IGSF21: variants seen among roughly 807,000 people sequenced by gnomAD.
IGSF21 encodes immunoglobin superfamily member 21.
Under a neutral mutation model 46.8 loss-of-function variants are expected in IGSF21, and 28 were observed. The ratio of observed to expected loss-of-function variants is 0.60; its 90% CI spans 0.44 to 0.82. The LOEUF is 0.82. Ranked by LOEUF, IGSF21 falls within the 40% of genes least tolerant of loss-of-function variation. The probability of loss-of-function intolerance (pLI) is 0.00; values close to 1 mark genes in which losing one functional copy is unlikely to be tolerated. For synonymous variants in IGSF21, 284 were observed against 273.6 expected (o/e 1.04, Z -0.38); for missense variants, 624 against 665.5 (o/e 0.94, Z 0.69).
At chr1:18,350,838 C>A (rs994284412) in intron 4 of IGSF21, among the ~76,000 whole-genome samples, 5 of 152,146 alleles carry the variant, frequency 3.3e-5, no homozygotes, top group Non-Finnish European at 5.9e-5. Flanking sequence ...ACAGAGCCCC[C>A]CGGGAAATCT....
intron 2 of IGSF21, among the ~76,000 whole-genome samples, chr1:18,241,244 C>G (rs1020637005): frequency 1.3e-5 from 2 of 152,180 alleles, no homozygotes; most frequent in African/African-American, 4.8e-5. Flanking sequence ...ATCAGTGATG[C>G]CTTTCCATGG....
At chr1:18,286,106 C>T (rs1187567998) in intron 2 of IGSF21, among the ~76,000 whole-genome samples, 1 of 152,186 alleles carries the variant, frequency 6.6e-6, no homozygotes, top group Non-Finnish European at 1.5e-5. Flanking sequence ...CTGTGTGACC[C>T]CAAAAGCCTC....
intron 1 of IGSF21, among the ~76,000 whole-genome samples, chr1:18,128,618 A>T (rs552295562): frequency 6.6e-6 from 1 of 152,144 alleles, no homozygotes; most frequent in South Asian, 2.1e-4. Flanking sequence ...GCAATTCTAG[A>T]CCTGTTCTTA....
intron 1 of IGSF21, among the ~76,000 whole-genome samples, chr1:18,195,743 G>C (rs1322658547): frequency 6.6e-6 from 1 of 152,190 alleles, no homozygotes; most frequent in Non-Finnish European, 1.5e-5. Context: ...GATTCCACAG[G>C]AGTTTTTAAA....
intron 1 of IGSF21, among the ~76,000 whole-genome samples, chr1:18,177,411 G>C: frequency 6.6e-6 from 1 of 151,844 alleles, no homozygotes; most frequent in Admixed American, 6.6e-5. Context: ...GTGTGTGTGT[G>C]TGTGTGTGTG....
In IGSF21 at chr1:18,322,442, G is replaced by A. The variant is rs1004817281; in HGVS notation, c.306-12450G>A. ...GCCAGCTCTCACCCACCACCAAGTA[G>A]AGAGGCAGAGGCAGAGATTCCTGTT... is the stretch of plus-strand genomic sequence containing the variant. On this transcript the variant is annotated intron_variant, in intron 3 of 9. Coordinates refer to ENST00000251296, the MANE Select transcript of IGSF21 (RefSeq NM_032880.5). The surrounding 1 kb of genome is among the most constrained non-coding windows in gnomAD (Gnocchi z 4.3). Among the ~76,000 whole-genome samples, 5 of 151,938 alleles carry A rather than the reference G, an allele frequency of 3.3e-5. No individual in the cohort carries two copies. The highest frequency in any genetic ancestry group is 1.2e-4 in the African/African-American group (5 of 41,378).
At chr1:18,316,975 AG>A (rs2085549290) in intron 3 of IGSF21, among the ~76,000 whole-genome samples, 1 of 152,242 alleles carries the variant, frequency 6.6e-6, no homozygotes, top group South Asian at 2.1e-4. Context: ...GGTAACCTCA[AG>A]GACAGAGTCC....
chr1:18,280,618 A>T (rs2085149701), intron 2 of IGSF21, among the ~76,000 whole-genome samples: 1 of 152,148 alleles, frequency 6.6e-6, no homozygotes, highest in Non-Finnish European at 1.5e-5. Flanking sequence ...CTCATTTTAC[A>T]GGTAAGGAGA....
intron 4 of IGSF21, among the ~76,000 whole-genome samples, chr1:18,345,024 C>A (rs2085878994): frequency 6.6e-6 from 1 of 152,168 alleles, no homozygotes; most frequent in Admixed American, 6.5e-5. Flanking sequence ...GGTATGAACA[C>A]GAGCTTCCAC....
intron 1 of IGSF21, among the ~76,000 whole-genome samples, chr1:18,159,131 C>T (rs2086593843): frequency 6.6e-6 from 1 of 152,214 alleles, no homozygotes; most frequent in Non-Finnish European, 1.5e-5. Flanking sequence ...CTATGAGTTC[C>T]TCCAGCTGTT....
intron 1 of IGSF21, among the ~76,000 whole-genome samples, chr1:18,208,374 A>AT (rs532351655): frequency 0.054 from 818 of 15,270 alleles, 36 homozygotes; most frequent in African/African-American, 0.084. Flanking sequence ...CAGTTTAGGA[A>AT]TAATATATAT....
chr1:18,283,242 G>A (rs1034617032), intron 2 of IGSF21, among the ~76,000 whole-genome samples: 7 of 152,180 alleles, frequency 4.6e-5, no homozygotes, highest in Non-Finnish European at 1.0e-4. Flanking sequence ...TGTCAAAACC[G>A]GATCTCCCAC....
intron 3 of IGSF21, among the ~76,000 whole-genome samples, chr1:18,324,013 C>A (rs2085632390): frequency 1.3e-5 from 2 of 152,174 alleles, no homozygotes; most frequent in Non-Finnish European, 2.9e-5. Flanking sequence ...CCCATCCCTG[C>A]CTCTCTCCCC....
intron 2 of IGSF21, among the ~76,000 whole-genome samples, chr1:18,278,078 T>C (rs1054917227): frequency 2.6e-5 from 4 of 152,028 alleles, no homozygotes; most frequent in African/African-American, 9.7e-5. Flanking sequence ...AATAGAAGGT[T>C]TAGGAGTAAA....
chr1:18,216,396 T>C (rs2084446684), intron 1 of IGSF21, among the ~76,000 whole-genome samples: 1 of 152,032 alleles, frequency 6.6e-6, no homozygotes, highest in South Asian at 2.1e-4. Flanking sequence ...TGGAAGGCAA[T>C]GGGGCAGGGA....
intron 1 of IGSF21, among the ~76,000 whole-genome samples, chr1:18,200,508 G>GTGT (rs2087061814): frequency 6.6e-6 from 1 of 152,138 alleles, no homozygotes; most frequent in African/African-American, 2.4e-5. Context: ...TTGGTGTTTG[G>GTGT]TGTTCCTGGG....
chr1:18,208,584 A>G (rs1179973143), intron 1 of IGSF21, among the ~76,000 whole-genome samples: 2 of 132,850 alleles, frequency 1.5e-5, no homozygotes, highest in Non-Finnish European at 3.2e-5. Flanking sequence ...TTTTTAGTAG[A>G]GACCGGGTTT....
At chr1:18,369,853 C>G (rs11582494) in intron 6 of IGSF21, among the ~76,000 whole-genome samples, 43,422 of 152,030 alleles carry the variant, frequency 0.29, 6,331 homozygotes, top group Admixed American at 0.32. Context: ...TGCCTCTTCT[C>G]AGTTCTTGTC....
intron 3 of IGSF21, among the ~76,000 whole-genome samples, chr1:18,300,287 G>T (rs886652576): frequency 6.6e-6 from 1 of 152,020 alleles, no homozygotes; most frequent in Non-Finnish European, 1.5e-5. Flanking sequence ...GTTAAGATAT[G>T]GGCAGTGAGA....
Sources: gnomAD v4.1 joint callset for allele counts (sites outside exome capture counted in the v4.1 genomes callset) on GRCh38, gnomAD v4.1.1 for gene constraint, Gnocchi (gnomAD v3.1) non-coding constraint, MANE v1.5 for transcripts, NCBI Gene and HGNC (gene_info 2026-07-23, HGNC 2026-07-21) for gene names.